Variants in EXOC4 observed in about 807,000 individuals in gnomAD.
EXOC4 encodes SEC8-like 1.
Under a neutral mutation model 107.2 loss-of-function variants are expected in EXOC4, and 71 were observed. That is an observed-to-expected ratio of 0.66 (90% confidence interval 0.55 to 0.81). EXOC4 has a LOEUF of 0.81. Among genes scored for constraint, EXOC4 ranks in the 30% least tolerant of loss-of-function variants. The pLI is 0.00. For missense variants in EXOC4, 1,108 were observed against 1,189.6 expected, an observed-to-expected ratio of 0.93 and a Z score of 1.01; for synonymous variants, 456 against 441.2, an observed-to-expected ratio of 1.03 and a Z score of -0.42.
chr7:133,458,020 A>C (rs985565777), intron 7 of EXOC4, among the ~76,000 whole-genome samples: 2 of 152,194 alleles, frequency 1.3e-5, no homozygotes, highest in South Asian at 2.1e-4. Context: ...AGAGACCAAT[A>C]GTGGGGTTGA....
chr7:133,715,121 CTG>C (rs1021838050), intron 10 of EXOC4, among the ~76,000 whole-genome samples: 16 of 152,170 alleles, frequency 1.1e-4, no homozygotes, highest in Non-Finnish European at 2.1e-4. Context: ...AGAATGGAAA[CTG>C]TGGGCAGCCT....
At chr7:133,410,374 A>T (rs1209219084) in intron 7 of EXOC4, among the ~76,000 whole-genome samples, 1 of 152,204 alleles carries the variant, frequency 6.6e-6, no homozygotes, top group African/African-American at 2.4e-5. Flanking sequence ...TGAGGAATGT[A>T]TATCTGTGTG....
chr7:134,027,990 G>A (rs1324122236), intron 17 of EXOC4, among the ~76,000 whole-genome samples: 2 of 152,198 alleles, frequency 1.3e-5, no homozygotes, highest in Non-Finnish European at 2.9e-5. Flanking sequence ...ACCCCTTACA[G>A]ACTCATGTCA....
the EXOC4 span, among the ~76,000 whole-genome samples, chr7:134,092,531 C>G: frequency 1.3e-5 from 2 of 152,070 alleles, no homozygotes; most frequent in Admixed American, 1.3e-4. Flanking sequence ...ACCTTATAAG[C>G]CAGAGGAGAC....
At chr7:134,055,487 T>C (rs6953409) in intron 17 of EXOC4, among the ~76,000 whole-genome samples, 26,624 of 152,102 alleles carry the variant, frequency 0.18, 2,691 homozygotes, top group African/African-American at 0.27. Flanking sequence ...TCATCACGCT[T>C]TCGTTGATGG....
At chr7:133,312,420 G>A (rs1220584340) in intron 4 of EXOC4, among the ~76,000 whole-genome samples, 1 of 152,128 alleles carries the variant, frequency 6.6e-6, no homozygotes, top group Non-Finnish European at 1.5e-5. Flanking sequence ...CTGATAAAAG[G>A]AATTACTTGT....
At chr7:133,306,680 C>G (rs1291205495) in intron 4 of EXOC4, among the ~76,000 whole-genome samples, 1 of 151,106 alleles carries the variant, frequency 6.6e-6, no homozygotes, top group Non-Finnish European at 1.5e-5. Context: ...GCCTGAGCAA[C>G]AGCGAGGAGA....
chr7:133,478,131 T>C (rs547974465), intron 8 of EXOC4, among the ~76,000 whole-genome samples: 53 of 151,526 alleles, frequency 3.5e-4, no homozygotes, highest in Non-Finnish European at 6.0e-4. Flanking sequence ...CTTTTCTTTT[T>C]TTTTTTTTCT....
At chr7:133,982,331 T>A (rs1049365524) in intron 14 of EXOC4, among the ~76,000 whole-genome samples, 3 of 152,168 alleles carry the variant, frequency 2.0e-5, no homozygotes, top group Admixed American at 6.5e-5. Flanking sequence ...GGCGGGCAGA[T>A]CACGAGGTCA....
At chr7:133,815,047 C>T (rs1797332556) in intron 10 of EXOC4, among the ~76,000 whole-genome samples, 1 of 152,088 alleles carries the variant, frequency 6.6e-6, no homozygotes, top group African/African-American at 2.4e-5. Context: ...ACCATGCAAG[C>T]TGAAACCATG....
intron 10 of EXOC4, among the ~76,000 whole-genome samples, chr7:133,710,336 G>A (rs747269133): frequency 2.0e-5 from 3 of 152,264 alleles, no homozygotes; most frequent in Admixed American, 6.5e-5. Flanking sequence ...GTGATGAGAT[G>A]ATGTGGACAC....
At chr7:133,667,688 A>G (rs1395941569) in intron 10 of EXOC4, among the ~76,000 whole-genome samples, 1 of 152,190 alleles carries the variant, frequency 6.6e-6, no homozygotes, top group Non-Finnish European at 1.5e-5. Context: ...TCACAATTAC[A>G]TTTGCATTTT....
chr7:133,983,745 G>A (rs1209214861), intron 14 of EXOC4, among the ~76,000 whole-genome samples: 4 of 152,076 alleles, frequency 2.6e-5, no homozygotes, highest in African/African-American at 4.8e-5. Flanking sequence ...GTTAAGTATT[G>A]GTTAACACTT....
intron 17 of EXOC4, among the ~76,000 whole-genome samples, chr7:134,009,187 C>G (rs1488159274): frequency 6.6e-6 from 1 of 152,104 alleles, no homozygotes; most frequent in East Asian, 1.9e-4. Context: ...CTAGGAAGTC[C>G]TTTGTTTTTA....
intron 9 of EXOC4, among the ~76,000 whole-genome samples, chr7:133,621,369 A>C (rs1802325631): frequency 6.8e-6 from 1 of 148,032 alleles, no homozygotes. Flanking sequence ...TCAGTTGTTG[A>C]ACTACAAAAA....
At chr7:133,805,294 A>G (rs1479537158) in intron 10 of EXOC4, among the ~76,000 whole-genome samples, 1 of 152,234 alleles carries the variant, frequency 6.6e-6, no homozygotes, top group African/African-American at 2.4e-5. Flanking sequence ...CTGATTTGCC[A>G]CAATTTAGAA....
At chr7:134,090,465 A>G in the EXOC4 span, among the ~76,000 whole-genome samples, 1 of 152,242 alleles carries the variant, frequency 6.6e-6, no homozygotes, top group East Asian at 1.9e-4. Flanking sequence ...CAGATTTGCT[A>G]CAGCTTAACA....
chr7:133,356,216 C>G, intron 5 of EXOC4, 114 bp from the exon 6 acceptor site: 1 of 1,059,502 alleles, frequency 9.4e-7, no homozygotes, highest in Non-Finnish European at 1.4e-6. Context: ...TTGAAAAATC[C>G]TCTTTAATTC....
At chr7:133,366,867 G>A (rs573510247) in intron 6 of EXOC4, among the ~76,000 whole-genome samples, 6 of 152,296 alleles carry the variant, frequency 3.9e-5, no homozygotes, top group Non-Finnish European at 5.9e-5. Flanking sequence ...GGGAAGGAGA[G>A]ACTAGTTTGA....
Sources: gnomAD v4.1 joint callset for allele counts (sites outside exome capture counted in the v4.1 genomes callset) on GRCh38, gnomAD v4.1.1 for gene constraint, MANE v1.5 for transcripts, NCBI Gene and HGNC (gene_info 2026-07-23, HGNC 2026-07-21) for gene names.